The following PDE3B variants were observed in gnomAD, a reference collection of about 807,000 sequenced individuals.
The protein encoded by PDE3B is phosphodiesterase 3B, also known as cGMP-inhibited 3',5'-cyclic phosphodiesterase 3B.
A neutral mutation model predicts 116.8 loss-of-function variants in PDE3B; 66 were observed. The ratio of observed to expected loss-of-function variants is 0.56; its 90% CI spans 0.46 to 0.69. The LOEUF (loss-of-function observed/expected upper bound fraction) is 0.69. PDE3B is among the 30% of genes least tolerant of loss of function. The pLI, the probability that PDE3B is intolerant of heterozygous loss-of-function variation, is 0.00. For missense variants in PDE3B, 1,384 were observed against 1,368.1 expected, an observed-to-expected ratio of 1.01 and a Z score of -0.18; for synonymous variants, 595 against 533.6, an observed-to-expected ratio of 1.12 and a Z score of -1.59.
At chr11:14,704,842 A>C (rs558142201) in intron 1 of PDE3B, among the ~76,000 whole-genome samples, 1 of 151,832 alleles carries the variant, frequency 6.6e-6, no homozygotes, top group Admixed American at 6.6e-5. Flanking sequence ...CAAACCATAA[A>C]AGAAAAAAAT....
At chr11:14,740,666 CT>C (rs1856742654) in intron 1 of PDE3B, among the ~76,000 whole-genome samples, 5 of 152,106 alleles carry the variant, frequency 3.3e-5, no homozygotes, top group Admixed American at 3.3e-4. Flanking sequence ...TTTGCTCTTG[CT>C]TCTCTAGTAC....
chr11:14,856,650 A>G (rs1368960982), intron 12 of PDE3B, among the ~76,000 whole-genome samples: 7 of 152,000 alleles, frequency 4.6e-5, no homozygotes, highest in Admixed American at 2.0e-4. Flanking sequence ...GTCAGGAGAT[A>G]GAGACTATCC....
At chr11:14,657,436 C>T (rs1853745701) in intron 1 of PDE3B, among the ~76,000 whole-genome samples, 2 of 152,136 alleles carry the variant, frequency 1.3e-5, no homozygotes, top group African/African-American at 4.8e-5. Context: ...GAAAAAGTCT[C>T]CTGAAGAGCT....
intron 2 of PDE3B, chr11:14,772,964 T>C (rs1208608656): frequency 6.6e-6 from 1 of 152,010 alleles, no homozygotes; most frequent in Non-Finnish European, 1.5e-5. Context: ...TTATTTCTTT[T>C]TCTCATGTTA....
intron 14 of PDE3B, among the ~76,000 whole-genome samples, chr11:14,861,734 A>T (rs1565169572): frequency 6.6e-6 from 1 of 152,174 alleles, no homozygotes; most frequent in East Asian, 1.9e-4. Flanking sequence ...TTTAGATCAG[A>T]AGTGAAAGTT....
intron 13 of PDE3B, among the ~76,000 whole-genome samples, chr11:14,859,710 T>G (rs6486205): frequency 0.65 from 98,850 of 151,928 alleles, 32,272 homozygotes; most frequent in Middle Eastern, 0.71. Flanking sequence ...GCTGGCTAGT[T>G]TAGGGAAAAG....
At chr11:14,789,026 C>A in intron 3 of PDE3B, 80 bp from the exon 4 acceptor site, 1 of 954,782 alleles carries the variant, frequency 1.0e-6, no homozygotes, top group Non-Finnish European at 1.5e-6. Flanking sequence ...TGTATTGATA[C>A]TTTCATGTGC....
At chr11:14,658,919 T>C (rs992425916) in intron 1 of PDE3B, among the ~76,000 whole-genome samples, 1 of 152,212 alleles carries the variant, frequency 6.6e-6, no homozygotes, top group East Asian at 1.9e-4. Context: ...TATCAAATAG[T>C]TTATTGAGTT....
chr11:14,819,928 A>T, intron 7 of PDE3B, among the ~76,000 whole-genome samples: 1 of 152,144 alleles, frequency 6.6e-6, no homozygotes, highest in Non-Finnish European at 1.5e-5. Context: ...TAGCAGCTTC[A>T]TGGGGCTAGG....
intron 1 of PDE3B, among the ~76,000 whole-genome samples, chr11:14,711,871 C>T (rs1187067744): frequency 6.6e-6 from 1 of 152,172 alleles, no homozygotes; most frequent in Non-Finnish European, 1.5e-5. Flanking sequence ...GCCGTATTCA[C>T]TTGGAAGTTT....
chr11:14,881,690 C>T, the PDE3B span, among the ~76,000 whole-genome samples: 2 of 152,024 alleles, frequency 1.3e-5, no homozygotes, highest in Admixed American at 6.6e-5. Flanking sequence ...AAGTTAAGGA[C>T]CTCTCCCTAC....
rs1440841008 is a variant in PDE3B, at chr11:14,643,891, T to C, written c.-185T>C. 14 of 815,230 alleles carry C rather than the reference T, an allele frequency of 1.7e-5. No individual in the cohort carries two copies. Among genetic ancestry groups the C allele is most frequent in the South Asian group, 2.6e-5 (1 of 37,850 alleles). 50.5% of individuals were successfully genotyped at this position (815,230 alleles called of 1,614,324 possible). On this transcript the variant is annotated 5_prime_UTR_variant, in exon 1 of 16. An upstream start codon of the reference 5' UTR is lost. Coordinates refer to ENST00000282096, the MANE Select transcript of PDE3B (RefSeq NM_000922.4). ...CTTCCGCCCCTCTCCTCAGCCAGCA[T>C]GTCCCGGACTCCGCCGCTCCTCAGT...
intron 2 of PDE3B, among the ~76,000 whole-genome samples, chr11:14,780,708 A>G (rs1436443895): frequency 6.6e-6 from 1 of 152,220 alleles, no homozygotes; most frequent in Non-Finnish European, 1.5e-5. Context: ...CCACAAGAGA[A>G]AGCAGGAAAG....
intron 1 of PDE3B, among the ~76,000 whole-genome samples, chr11:14,715,691 T>C (rs1855857322): frequency 6.6e-6 from 1 of 152,202 alleles, no homozygotes; most frequent in African/African-American, 2.4e-5. Context: ...TATACAATCA[T>C]GTTATCTGCA....
downstream of PDE3B, among the ~76,000 whole-genome samples, chr11:14,876,826 C>T (rs185919539): frequency 6.0e-4 from 92 of 152,234 alleles, no homozygotes; most frequent in Non-Finnish European, 1.1e-3. Context: ...CATGTAACAT[C>T]TAAGCCATAC....
chr11:14,659,333 G>A (rs973875671), intron 1 of PDE3B, among the ~76,000 whole-genome samples: 1 of 152,092 alleles, frequency 6.6e-6, no homozygotes, highest in Non-Finnish European at 1.5e-5. Context: ...ATGTTTCAAT[G>A]GTTCTCAGTT....
At chr11:14,891,648 T>C in the PDE3B span, 5 of 1,149,538 alleles carry the variant, frequency 4.3e-6, no homozygotes, top group South Asian at 4.5e-5. Context: ...GCGTCCACCC[T>C]GGACCTGAAG....
intron 4 of PDE3B, among the ~76,000 whole-genome samples, chr11:14,798,770 G>C (rs1009441067): frequency 2.0e-5 from 3 of 152,174 alleles, no homozygotes; most frequent in Non-Finnish European, 4.4e-5. Context: ...TGTGGGATCA[G>C]TGGTGATATC....
chr11:14,894,574 C>CT, the PDE3B span, among the ~76,000 whole-genome samples: 1 of 152,196 alleles, frequency 6.6e-6, no homozygotes, highest in Admixed American at 6.5e-5. Context: ...CTTTGGCATT[C>CT]TTTCCCTGGC....
Sources: gnomAD v4.1 joint callset for allele counts (sites outside exome capture counted in the v4.1 genomes callset) on GRCh38, gnomAD v4.1.1 for gene constraint, MANE v1.5 for transcripts, NCBI Gene and HGNC (gene_info 2026-07-23, HGNC 2026-07-21) for gene names.